AUTS2: variants seen among roughly 807,000 people sequenced by gnomAD.
AUTS2 encodes activator of transcription and developmental regulator AUTS2.
AUTS2 carries 17 observed loss-of-function variants against 112.4 expected under a neutral mutation model. That is an observed-to-expected ratio of 0.15 (90% CI 0.10 to 0.23). The LOEUF (loss-of-function observed/expected upper bound fraction) is 0.23, where lower values mean the gene tolerates loss of function less well. Ranked by LOEUF, AUTS2 falls within the 10% of genes least tolerant of loss-of-function variation. The probability of loss-of-function intolerance (pLI) is 1.00; values close to 1 mark genes in which losing one functional copy is unlikely to be tolerated. For missense variants in AUTS2, 1,510 were observed against 1,701.6 expected, an observed-to-expected ratio of 0.89 and a Z score of 1.98; for synonymous variants, 751 against 702.7, an observed-to-expected ratio of 1.07 and a Z score of -1.09.
At chr7:70,244,720 A>G (rs1042827018) in intron 4 of AUTS2, among the ~76,000 whole-genome samples, 4 of 152,320 alleles carry the variant, frequency 2.6e-5, no homozygotes, top group Admixed American at 2.6e-4. Context: ...AATTATGACC[A>G]TTTGGATCAT....
intron 5 of AUTS2, among the ~76,000 whole-genome samples, chr7:70,646,464 G>A (rs761206498): frequency 4.6e-5 from 7 of 152,196 alleles, no homozygotes; most frequent in Non-Finnish European, 7.3e-5. Flanking sequence ...TCACCTGGAC[G>A]GTCCCAAGTC....
At position 70,793,454 on chromosome 7, in the gene AUTS2, T is replaced by C. The variant is rs1026613057; in HGVS notation, c.*2458T>C. Reference sequence around the variant, plus strand: ...GTCCTCTAAAATCTGTTTTGTTTTTTTCCATGATGTTAAAAAAACAAAAAA... The same window carrying C: ...GTCCTCTAAAATCTGTTTTGTTTTTCTCCATGATGTTAAAAAAACAAAAAA... On this transcript the variant is annotated 3_prime_UTR_variant, in exon 19 of 19. Transcript: ENST00000342771. 6.6e-6 allele frequency: 1 copy of C among 152,178 alleles called. No individual in the cohort carries two copies. Among genetic ancestry groups the C allele is most frequent in the African/African-American group, 2.4e-5 (1 of 41,428 alleles). The allele number at this position is 152,178 out of a possible 1,614,324, so 9.4% of individuals were successfully genotyped here. A position where few individuals can be genotyped will look rare whatever the true frequency, so the allele number is the denominator to read the frequency against.
At chr7:70,621,922 C>T (rs1329109282) in intron 5 of AUTS2, among the ~76,000 whole-genome samples, 1 of 138,124 alleles carries the variant, frequency 7.2e-6, no homozygotes, top group African/African-American at 2.7e-5. Context: ...TCTCAGCTCA[C>T]TGCAACTTCC....
At chr7:69,705,291 T>C (rs1413505687) in intron 1 of AUTS2, among the ~76,000 whole-genome samples, 4 of 152,236 alleles carry the variant, frequency 2.6e-5, no homozygotes, top group Non-Finnish European at 4.4e-5. Flanking sequence ...CAATTTAGCC[T>C]GATAGTGTAA....
intron 13 of AUTS2, among the ~76,000 whole-genome samples, chr7:70,776,445 A>T (rs369056174): frequency 5.3e-5 from 8 of 152,282 alleles, no homozygotes; most frequent in African/African-American, 1.7e-4. Flanking sequence ...TGGACTTGAG[A>T]TCTGCAGAGG....
chr7:69,830,734 G>A (rs538858748), intron 1 of AUTS2, among the ~76,000 whole-genome samples: 5 of 152,184 alleles, frequency 3.3e-5, no homozygotes, highest in South Asian at 4.1e-4. Flanking sequence ...TATTGAGCTC[G>A]TACTAAAAAT....
intron 5 of AUTS2, among the ~76,000 whole-genome samples, chr7:70,544,099 C>T (rs1216212149): frequency 2.0e-5 from 3 of 152,178 alleles, no homozygotes; most frequent in African/African-American, 7.2e-5. Flanking sequence ...CCAAAAGGCT[C>T]TAAATGAGAT....
chr7:70,327,214 G>A (rs1286828586), intron 4 of AUTS2, among the ~76,000 whole-genome samples: 1 of 152,058 alleles, frequency 6.6e-6, no homozygotes, highest in Non-Finnish European at 1.5e-5. Context: ...CACCGCGCCC[G>A]GCCGCTCAGT....
intron 4 of AUTS2, among the ~76,000 whole-genome samples, chr7:70,267,280 T>C (rs1787476996): frequency 6.7e-6 from 1 of 148,224 alleles, no homozygotes; most frequent in African/African-American, 2.5e-5. Flanking sequence ...AAATGTTTCT[T>C]TTTTTTTTTT....
intron 5 of AUTS2, among the ~76,000 whole-genome samples, chr7:70,576,001 A>G (rs914042832): frequency 6.6e-6 from 1 of 152,076 alleles, no homozygotes; most frequent in Non-Finnish European, 1.5e-5. Context: ...GGTTCTTCCT[A>G]TTTATGGTCA....
At chr7:70,042,634 A>G (rs904010980) in intron 2 of AUTS2, among the ~76,000 whole-genome samples, 1 of 152,228 alleles carries the variant, frequency 6.6e-6, no homozygotes, top group African/African-American at 2.4e-5. Context: ...TTCTTGCACC[A>G]GATGGCACTG....
chr7:69,786,428 G>A (rs894364449), intron 1 of AUTS2, among the ~76,000 whole-genome samples: 1 of 152,222 alleles, frequency 6.6e-6, no homozygotes, highest in Admixed American at 6.5e-5. Flanking sequence ...ATAGCACTGT[G>A]TAAAATGGAC....
chr7:70,467,093 G>T (rs1157766628), intron 5 of AUTS2, among the ~76,000 whole-genome samples: 2 of 152,150 alleles, frequency 1.3e-5, no homozygotes, highest in Non-Finnish European at 2.9e-5. Flanking sequence ...GACATTATTC[G>T]CTTCATTTTA....
intron 1 of AUTS2, among the ~76,000 whole-genome samples, chr7:69,823,128 C>T (rs1219668470): frequency 6.6e-6 from 1 of 152,098 alleles, no homozygotes; most frequent in Non-Finnish European, 1.5e-5. Context: ...GTAAAAAAAA[C>T]GAAGTCATCA....
At chr7:70,163,274 T>G (rs1007495291) in intron 4 of AUTS2, among the ~76,000 whole-genome samples, 3 of 140,144 alleles carry the variant, frequency 2.1e-5, no homozygotes, top group Non-Finnish European at 4.5e-5. Context: ...ATGTAGAAAC[T>G]AAGCCAGTAG....
chr7:69,609,708 G>A (rs1583932732), intron 1 of AUTS2, among the ~76,000 whole-genome samples: 1 of 152,182 alleles, frequency 6.6e-6, no homozygotes, highest in East Asian at 1.9e-4. Context: ...TGGAGTTGAA[G>A]GCTCAACGAA....
intron 1 of AUTS2, among the ~76,000 whole-genome samples, chr7:69,724,833 T>C (rs1786427405): frequency 6.6e-6 from 1 of 152,200 alleles, no homozygotes; most frequent in South Asian, 2.1e-4. Flanking sequence ...GGAACAACTT[T>C]TTGGGGATCC....
At chr7:70,741,204 AT>A (rs1204582869) in intron 6 of AUTS2, among the ~76,000 whole-genome samples, 2 of 151,984 alleles carry the variant, frequency 1.3e-5, no homozygotes, top group East Asian at 3.8e-4. Flanking sequence ...AATTTCCCTA[AT>A]TTTATAGTCA....
At chr7:70,183,833 C>CTTTTTTTTTTT (rs60689973) in intron 4 of AUTS2, among the ~76,000 whole-genome samples, 1 of 137,956 alleles carries the variant, frequency 7.2e-6, no homozygotes, top group Admixed American at 7.3e-5. Context: ...CTGTCTTTTT[C>CTTTTTTTTTTT]TTTTTTTTTT....
Sources: allele counts gnomAD v4.1 joint callset (sites outside exome capture counted in the v4.1 genomes callset), GRCh38; gene constraint gnomAD v4.1.1; transcripts MANE v1.5; gene names NCBI Gene and HGNC (gene_info 2026-07-23, HGNC 2026-07-21).